NEXN: variants seen among roughly 807,000 people sequenced by gnomAD.
NEXN encodes nexilin.
NEXN carries 65 observed loss-of-function variants against 92.6 expected under a neutral mutation model. The ratio of observed to expected loss-of-function variants is 0.70; its 90% confidence interval spans 0.57 to 0.86. The LOEUF (loss-of-function observed/expected upper bound fraction) is 0.86. NEXN is among the 40% of genes least tolerant of loss of function. The probability of loss-of-function intolerance (pLI) is 0.00; values close to 1 mark genes in which losing one functional copy is unlikely to be tolerated. For synonymous variants in NEXN, 254 were observed against 242.5 expected (o/e 1.05, Z -0.44); for missense variants, 778 against 771.1 (o/e 1.01, Z -0.11).
rs560530481 is a variant in NEXN at position 77,942,540 on chromosome 1, G to A, written c.1739G>A (p.Gly580Glu). 4 of 1,613,868 alleles carry A rather than the reference G, an allele frequency of 2.5e-6. No individual in the cohort carries two copies. The Admixed American group carries it at 6.7e-5, about 27-fold the overall frequency. Reference sequence around the variant, plus strand: ...GAAGATGAAGAGCAAACCAGATCAGGAGCTCCATGGTTCAAGAAGCCTCTT... The same window carrying A: ...GAAGATGAAGAGCAAACCAGATCAGAAGCTCCATGGTTCAAGAAGCCTCTT... ...TAEDEEQTRS[G>E]APWFKKPLKN... The change falls in exon 13 of 13, where the codon GGA becomes GAA. Residue 580 changes from glycine to glutamate, a missense_variant. By Grantham distance (98) the Gly-to-Glu change is moderately conservative (BLOSUM62 -2). Transcript: ENST00000334785.
intron 1 of NEXN, among the ~76,000 whole-genome samples, chr1:77,903,244 A>AATC (rs1419435717): frequency 6.6e-6 from 1 of 152,092 alleles, no homozygotes; most frequent in East Asian, 1.9e-4. Context: ...AAAAGAGAGA[A>AATC]ATCAGAACAA....
chr1:77,889,023 G>C (rs910205085), intron 1 of NEXN: 2 of 153,078 alleles, frequency 1.3e-5, no homozygotes, highest in South Asian at 4.1e-4. Context: ...GGGTCTGAAA[G>C]TGTCGGCCGG....
chr1:77,895,844 G>A (rs757697776), intron 1 of NEXN, among the ~76,000 whole-genome samples: 1 of 151,786 alleles, frequency 6.6e-6, no homozygotes, highest in Non-Finnish European at 1.5e-5. Flanking sequence ...CAGCCTGGGC[G>A]ACAGAGCAAG....
chr1:77,895,398 A>T (rs796656181), intron 1 of NEXN, among the ~76,000 whole-genome samples: 1 of 152,130 alleles, frequency 6.6e-6, no homozygotes, highest in African/African-American at 2.4e-5. Context: ...AATTAAATGC[A>T]ATAAAGTTAC....
intron 1 of NEXN, among the ~76,000 whole-genome samples, chr1:77,908,061 C>T (rs1045775670): frequency 6.6e-6 from 1 of 151,998 alleles, no homozygotes; most frequent in African/African-American, 2.4e-5. Flanking sequence ...CCAGCCTGGG[C>T]AACAGAGTGA....
At chr1:77,906,368 C>A (rs958512654) in intron 1 of NEXN, among the ~76,000 whole-genome samples, 1 of 152,048 alleles carries the variant, frequency 6.6e-6, no homozygotes, top group Non-Finnish European at 1.5e-5. Flanking sequence ...AACTCTAATC[C>A]AAGTTTTCTG....
chr1:77,939,753 T>G (rs1163877894), intron 11 of NEXN, among the ~76,000 whole-genome samples: 3 of 152,088 alleles, frequency 2.0e-5, no homozygotes, highest in Non-Finnish European at 4.4e-5. Flanking sequence ...TCTTTCTGGC[T>G]TAAAGATTAT....
chr1:77,934,261 C>T (rs1017588168), intron 10 of NEXN, among the ~76,000 whole-genome samples: 5 of 152,056 alleles, frequency 3.3e-5, no homozygotes, highest in Admixed American at 3.3e-4. Context: ...CCGCCCACCT[C>T]GGCCTCCCAA....
intron 1 of NEXN, among the ~76,000 whole-genome samples, chr1:77,907,836 C>T (rs2102064276): frequency 6.6e-6 from 1 of 152,258 alleles, no homozygotes; most frequent in Admixed American, 6.5e-5. Flanking sequence ...TCATTTCACA[C>T]ACACACAAAA....
chr1:77,937,935 C>T (rs781241749), intron 11 of NEXN, among the ~76,000 whole-genome samples: 2 of 152,018 alleles, frequency 1.3e-5, no homozygotes, highest in Non-Finnish European at 2.9e-5. Context: ...TTTTGTACAG[C>T]GTGGTCAGAG....
chr1:77,927,501 G>A (rs980260980), intron 8 of NEXN, among the ~76,000 whole-genome samples: 4 of 152,096 alleles, frequency 2.6e-5, no homozygotes, highest in East Asian at 3.9e-4. Flanking sequence ...TTTTTCAACT[G>A]TTTGAACATA....
chr1:77,889,685 T>TA (rs889045595), intron 1 of NEXN: 18 of 152,152 alleles, frequency 1.2e-4, no homozygotes, highest in African/African-American at 3.9e-4. Flanking sequence ...GATAACAAGG[T>TA]AAAAATAGCA....
rs746587731 is a variant in NEXN, at chr1:77,917,648, C to T, written c.110C>T (p.Ala37Val). 1 of 1,612,930 alleles carries T rather than the reference C, an allele frequency of 6.2e-7. No homozygotes were observed. The highest frequency in any genetic ancestry group is 2.2e-5 in the East Asian group (1 of 44,778). Residue 37 changes from alanine to valine, a missense_variant, in exon 3 of 13, where the codon GCC becomes GTC. Ala to Val is a moderately conservative substitution (Grantham distance 64). This residue lies in a region of NEXN where 236 missense variants were observed against 265.6 expected (regional missense o/e 0.89). Transcript: ENST00000334785. Reference sequence around the variant, plus strand: ...GGTGATGTAAAGGATAAGTTTGAAGCCATGCAGAGAGCCAGGGAAGAAAGA... The same window carrying T: ...GGTGATGTAAAGGATAAGTTTGAAGTCATGCAGAGAGCCAGGGAAGAAAGA... ...GKGDVKDKFE[A>V]MQRAREERNQ... is the part of the protein sequence containing the mutation.
intron 1 of NEXN, chr1:77,889,467 C>T (rs1647057656): frequency 3.3e-5 from 5 of 151,722 alleles, no homozygotes; most frequent in Admixed American, 3.3e-4. Context: ...AATGTAGTCA[C>T]CTCTTGAGAA....
intron 1 of NEXN, among the ~76,000 whole-genome samples, chr1:77,907,068 C>T (rs555932872): frequency 6.6e-6 from 1 of 152,190 alleles, no homozygotes; most frequent in South Asian, 2.1e-4. Flanking sequence ...AAAGACTTAA[C>T]AAATGTTAAC....
At chr1:77,933,059 G>GTTCTC (rs1427079681) in intron 9 of NEXN, 2 of 373,646 alleles carry the variant, frequency 5.4e-6, no homozygotes, top group African/African-American at 4.2e-5. Context: ...TACTTGGGAG[G>GTTCTC]CTGAGGCAGG....
intron 1 of NEXN, 70 bp from the exon 2 acceptor site, chr1:77,915,979 GCTATTT>G (rs1166420451): frequency 2.5e-6 from 1 of 401,144 alleles, no homozygotes; most frequent in Non-Finnish European, 4.0e-6. Flanking sequence ...GCAATTAACT[GCTATTT>G]CTATTTATAA....
intron 1 of NEXN, among the ~76,000 whole-genome samples, chr1:77,912,103 TCTGAAAC>T (rs1395938724): frequency 6.7e-6 from 1 of 150,102 alleles, no homozygotes; most frequent in East Asian, 1.9e-4. Context: ...AAATCTGAAA[TCTGAAAC>T]ATTTCTAGTC....
At chr1:77,917,082 T>C (rs184402046) in intron 2 of NEXN, among the ~76,000 whole-genome samples, 198 of 152,316 alleles carry the variant, frequency 1.3e-3, no homozygotes, top group Middle Eastern at 0.01. Context: ...ATATTGGATA[T>C]AGAAACCAGG....
Sources: allele counts gnomAD v4.1 joint callset (sites outside exome capture counted in the v4.1 genomes callset), GRCh38; gene constraint gnomAD v4.1.1; regional missense constraint gnomAD v4.1.1; transcripts MANE v1.5; gene names NCBI Gene and HGNC (gene_info 2026-07-23, HGNC 2026-07-21).